MAP4: variants seen among roughly 807,000 people sequenced by gnomAD.
MAP4 encodes the protein microtubule associated protein 4, also known as microtubule-associated protein 4.
A neutral mutation model predicts 170.2 loss-of-function variants in MAP4; 76 were observed. The ratio of observed to expected loss-of-function variants is 0.45; its 90% confidence interval spans 0.37 to 0.54. The LOEUF is 0.54. Ranked by LOEUF, MAP4 falls within the 20% of genes least tolerant of loss-of-function variation. The probability of loss-of-function intolerance (pLI) is 0.00; values close to 1 mark genes in which losing one functional copy is unlikely to be tolerated. For missense variants in MAP4, 2,506 were observed against 2,748.0 expected, an observed-to-expected ratio of 0.91 and a Z score of 1.97; for synonymous variants, 909 against 994.5, an observed-to-expected ratio of 0.91 and a Z score of 1.62.
At chr3:47,862,346 C>CA (rs57751818) in intron 17 of MAP4, among the ~76,000 whole-genome samples, 2,778 of 52,256 alleles carry the variant, frequency 0.053, 465 homozygotes, top group East Asian at 0.091. Flanking sequence ...GACTGTGTCT[C>CA]AAAAAAAAAA....
intron 1 of MAP4, among the ~76,000 whole-genome samples, chr3:48,002,173 A>G (rs1256894370): frequency 6.7e-6 from 1 of 149,934 alleles, no homozygotes; most frequent in Non-Finnish European, 1.5e-5. Flanking sequence ...AGCCACCACA[A>G]CTCCAGGTGT....
intron 3 of MAP4, among the ~76,000 whole-genome samples, chr3:47,951,065 AT>A (rs2154098301): frequency 6.6e-6 from 1 of 152,334 alleles, no homozygotes; most frequent in Non-Finnish European, 1.5e-5. Context: ...TAGATTAGCT[AT>A]TTTACAATTA....
At position 48,055,680 on chromosome 3, in the gene MAP4, A is replaced by AG. The variant is rs1208279299; in HGVS notation, c.-20+33092dup. Among the ~76,000 whole-genome samples, 6 of 67,992 alleles carry AG rather than the reference A, an allele frequency of 8.8e-5. 1 individual carries two copies. The highest frequency in any genetic ancestry group is 3.7e-4 in the African/African-American group (6 of 16,182). The allele number at this position is 67,992 out of a possible 152,430, so 44.6% of individuals were successfully genotyped here. ...CTGGCCGCCCATCGTCTGGGATGTG[A>AG]GGAGCCCCTCTGCCTGGCTGCCCAG... is the stretch of plus-strand genomic sequence containing the variant. On this transcript the variant is annotated intron_variant, in intron 1 of 18. Transcript: ENST00000360240.
At chr3:48,043,906 C>G (rs754342239) in intron 1 of MAP4, among the ~76,000 whole-genome samples, 7 of 151,996 alleles carry the variant, frequency 4.6e-5, no homozygotes, top group Non-Finnish European at 7.4e-5. Flanking sequence ...GGTGCAGTGG[C>G]GCGACCTTGG....
At chr3:47,922,781 G>C (rs1007472561) in intron 4 of MAP4, among the ~76,000 whole-genome samples, 1 of 152,206 alleles carries the variant, frequency 6.6e-6, no homozygotes, top group African/African-American at 2.4e-5. Flanking sequence ...CGGGCATGGT[G>C]GTTCATGCCT....
At chr3:48,046,166 T>G (rs1423621912) in intron 1 of MAP4, among the ~76,000 whole-genome samples, 1 of 152,166 alleles carries the variant, frequency 6.6e-6, no homozygotes, top group Non-Finnish European at 1.5e-5. Context: ...CCACTGTTGT[T>G]ACTTTTTGGT....
At chr3:47,950,592 A>G (rs1034666674) in intron 3 of MAP4, among the ~76,000 whole-genome samples, 1 of 152,044 alleles carries the variant, frequency 6.6e-6, no homozygotes, top group South Asian at 2.1e-4. Flanking sequence ...AAAAAAAAAA[A>G]CCAAAAACAA....
rs1417297716 is a variant in MAP4, at chr3:47,881,123, ATCCTT to A, written c.5435-3605_5435-3601del. The stretch of plus-strand genomic sequence containing the variant: ...GTAAGGATCAATCTTAGTGGGATTG[ATCCTT>A]TATTCTTTTCTCCGACATCTACTTT... On this transcript the variant is annotated intron_variant, in intron 10 of 20. Coordinates refer to ENST00000683076, the MANE Select transcript of MAP4 (RefSeq NM_001385682.1). 3.3e-5 allele frequency among the ~76,000 whole-genome samples: 5 copies of A among 151,716 alleles called. No homozygotes were observed. The East Asian group carries it at 9.8e-4, about 30-fold the overall frequency.
In MAP4 at chr3:47,945,495, AT is replaced by A. The variant is rs1440689827; in HGVS notation, c.293-17146del. Among the ~76,000 whole-genome samples the A allele has an allele frequency of 5.3e-5, 8 of 152,012 alleles. No individual in the cohort carries two copies. The East Asian group carries it at 1.5e-3, about 29-fold the overall frequency. The stretch of plus-strand genomic sequence containing the variant: ...CTCTTCACTATTCCCAGCACCATGT[AT>A]CTGGCCTGATACCTAGGTGGTGCCT... On this transcript the variant is annotated intron_variant, in intron 3 of 20. Coordinates refer to ENST00000683076, the MANE Select transcript of MAP4 (RefSeq NM_001385682.1).
At chr3:47,973,936 A>T in intron 3 of MAP4, 2 of 985,388 alleles carry the variant, frequency 2.0e-6, no homozygotes, top group Non-Finnish European at 2.4e-6. Context: ...CCTTTAAAAC[A>T]TATCACCCTC....
At chr3:48,048,492 C>T in intron 1 of MAP4, among the ~76,000 whole-genome samples, 1 of 147,934 alleles carries the variant, frequency 6.8e-6, no homozygotes, top group Non-Finnish European at 1.5e-5. Flanking sequence ...CAGGTAGATC[C>T]AGATCTCAAT....
At chr3:47,930,054 T>TG (rs2100048565) in intron 3 of MAP4, among the ~76,000 whole-genome samples, 2 of 150,850 alleles carry the variant, frequency 1.3e-5, no homozygotes, top group South Asian at 4.2e-4. Flanking sequence ...CACCTGAGCC[T>TG]GGGAGGCGAA....
intron 4 of MAP4, among the ~76,000 whole-genome samples, chr3:47,923,226 A>T (rs1361023451): frequency 6.6e-6 from 1 of 151,308 alleles, no homozygotes; most frequent in Non-Finnish European, 1.5e-5. Context: ...CTAACACATC[A>T]CTCCCTTAAG....
At chr3:47,912,966 C>T (rs536486265) in intron 8 of MAP4, among the ~76,000 whole-genome samples, 34 of 152,234 alleles carry the variant, frequency 2.2e-4, no homozygotes, top group Non-Finnish European at 2.4e-4. Context: ...AGTCACTTCA[C>T]GCACACACAC....
intron 20 of MAP4, 104 bp from the exon 21 acceptor site, chr3:47,853,042 G>A: frequency 1.2e-6 from 2 of 1,614,216 alleles, no homozygotes; most frequent in Non-Finnish European, 1.7e-6. Flanking sequence ...TTAGATGCCT[G>A]GAAAATAAAA....
chr3:48,014,991 T>G lies in MAP4; in HGVS notation c.-20+1343A>C, dbSNP rs1474816856. ...GGGAATAAAGCAGATATAGATATGG[T>G]ATCAAAGTAGGGAAAGGGTATACAG... On this transcript the variant is annotated intron_variant, in intron 1 of 20. Transcript: ENST00000683076. Among the ~76,000 whole-genome samples, 3 of 152,044 alleles carry G rather than the reference T, an allele frequency of 2.0e-5. 1 individual carries two copies. In the South Asian group the frequency reaches 6.2e-4, roughly 32 times the overall value.
intron 10 of MAP4, among the ~76,000 whole-genome samples, chr3:47,878,609 G>T (rs576662696): frequency 6.6e-6 from 1 of 152,048 alleles, no homozygotes; most frequent in Non-Finnish European, 1.5e-5. Context: ...CTGCGATCTC[G>T]GCTCACTGCA....
At chr3:47,930,020 C>T (rs1383254302) in intron 3 of MAP4, among the ~76,000 whole-genome samples, 1 of 152,196 alleles carries the variant, frequency 6.6e-6, no homozygotes, top group Non-Finnish European at 1.5e-5. Context: ...GTCCCAGCTA[C>T]TCAGGAGGCT....
intron 1 of MAP4, among the ~76,000 whole-genome samples, chr3:48,075,272 C>G (rs919267821): frequency 6.6e-6 from 1 of 152,118 alleles, no homozygotes; most frequent in East Asian, 1.9e-4. Flanking sequence ...CACCTGTAAT[C>G]CCAGAACTTT....
Sources: gnomAD v4.1 joint callset for allele counts (sites outside exome capture counted in the v4.1 genomes callset) on GRCh38, gnomAD v4.1.1 for gene constraint, MANE v1.5 for transcripts, NCBI Gene and HGNC (gene_info 2026-07-23, HGNC 2026-07-21) for gene names.